The following RGS12 variants were observed in gnomAD, a reference collection of about 807,000 sequenced individuals.
RGS12 encodes regulator of G-protein signaling 12.
RGS12 carries 66 observed loss-of-function variants against 120.1 expected under a neutral mutation model. That is an observed-to-expected ratio of 0.55 (90% CI 0.45 to 0.67). RGS12 has a LOEUF of 0.67. Ranked by LOEUF, RGS12 falls within the 30% of genes least tolerant of loss-of-function variation. The probability of loss-of-function intolerance (pLI) is 0.00; values close to 1 mark genes in which losing one functional copy is unlikely to be tolerated. For missense variants in RGS12, 1,859 were observed against 1,957.7 expected, an observed-to-expected ratio of 0.95 and a Z score of 0.95; for synonymous variants, 827 against 804.7, an observed-to-expected ratio of 1.03 and a Z score of -0.47.
chr4:3,338,830 C>T (rs1198540369), intron 2 of RGS12, among the ~76,000 whole-genome samples: 1 of 152,154 alleles, frequency 6.6e-6, no homozygotes, highest in Non-Finnish European at 1.5e-5. Context: ...TTGTTGTTTT[C>T]CCTGTTTAGT....
At chr4:3,305,800 C>A (rs1723942265) in intron 1 of RGS12, among the ~76,000 whole-genome samples, 1 of 152,204 alleles carries the variant, frequency 6.6e-6, no homozygotes. Flanking sequence ...TGTCCCTCTG[C>A]CCTTGGAGGC....
intron 4 of RGS12, among the ~76,000 whole-genome samples, chr4:3,412,025 A>G (rs1275536519): frequency 6.6e-6 from 1 of 152,270 alleles, no homozygotes; most frequent in Non-Finnish European, 1.5e-5. Flanking sequence ...TAACAGATCA[A>G]CAGCATGGTG....
rs1724801774 is a variant in RGS12 at position 3,316,861 on chromosome 4, A to G, written c.691A>G (p.Ile231Val). 1.2e-6 allele frequency: 2 copies of G among 1,614,062 alleles called. No homozygotes were observed. Among genetic ancestry groups the G allele is most frequent in the Admixed American group, 1.7e-5 (1 of 60,014 alleles). ...TGCAAGTATTTTAAACGTGGCGATGATCGTGGGCTACTTAGGCTCCATTGA... is the reference window on the plus strand; with the variant it reads ...TGCAAGTATTTTAAACGTGGCGATGGTCGTGGGCTACTTAGGCTCCATTGA... ...LDASILNVAMIVGYLGSIELP... is the reference protein window; with the variant it reads ...LDASILNVAMVVGYLGSIELP... Residue 231 changes from isoleucine to valine, a missense_variant, in exon 2 of 18, where the codon ATC becomes GTC. Physicochemically the swap from Ile to Val is conservative, Grantham distance 29 (BLOSUM62 3). Transcript: ENST00000336727.
chr4:3,333,656 G>A (rs556554262), intron 2 of RGS12, among the ~76,000 whole-genome samples: 2 of 152,316 alleles, frequency 1.3e-5, no homozygotes, highest in East Asian at 1.9e-4. Context: ...TCATGTGCGT[G>A]TGGGTCTGTT....
intron 1 of RGS12, among the ~76,000 whole-genome samples, chr4:3,306,465 G>A (rs1407010127): frequency 6.6e-6 from 1 of 152,254 alleles, no homozygotes; most frequent in Non-Finnish European, 1.5e-5. Context: ...AAGCGGCACA[G>A]CCTTTCCACC....
chr4:3,394,237 A>AC (rs1261593469), intron 4 of RGS12, among the ~76,000 whole-genome samples: 2 of 151,718 alleles, frequency 1.3e-5, no homozygotes, highest in Non-Finnish European at 2.9e-5. Flanking sequence ...ATCTTGACTC[A>AC]CTACAACCTC....
chr4:3,316,440 C>T lies in RGS12; in HGVS notation c.270C>T (p.Val90=), dbSNP rs769861679. The T allele has an allele frequency of 1.2e-6, 2 of 1,614,052 alleles. No individual in the cohort carries two copies. The highest frequency in any genetic ancestry group is 4.5e-5 in the East Asian group (2 of 44,896). Residue 90 remains valine (V), a synonymous_variant, in exon 2 of 18, where the codon GTC becomes GTT. Coordinates refer to ENST00000336727, the MANE Select transcript of RGS12 (RefSeq NM_001394154.1). ...VVKLIGKCSG[V]LHMVIAEGVG... ...AATTAATTGGGAAGTGCTCTGGTGT[C>T]CTTCACATGGTGATTGCTGAAGGCG... is the stretch of plus-strand genomic sequence containing the variant.
intron 1 of RGS12, among the ~76,000 whole-genome samples, chr4:3,298,530 T>C (rs1041141891): frequency 6.6e-5 from 10 of 152,158 alleles, no homozygotes; most frequent in African/African-American, 2.4e-4. Context: ...TTACTTTTCA[T>C]TTTATTTTTT....
intron 17 of RGS12, among the ~76,000 whole-genome samples, chr4:3,432,744 C>A (rs1376579180): frequency 6.6e-6 from 1 of 152,230 alleles, no homozygotes; most frequent in African/African-American, 2.4e-5. Context: ...GAACTGGTTC[C>A]CCGCCCCGCT....
At chr4:3,299,328 CCCCAAGCCCTAT>C (rs775778864) in intron 1 of RGS12, among the ~76,000 whole-genome samples, 7 of 152,096 alleles carry the variant, frequency 4.6e-5, no homozygotes, top group Non-Finnish European at 1.0e-4. Context: ...ACCCAGCCCT[CCCCAAGCCCTAT>C]CTTGGACTCT....
At chr4:3,423,425 C>A (rs920552015) in intron 12 of RGS12, 90 bp from the exon 13 acceptor site, 14 of 1,548,794 alleles carry the variant, frequency 9.0e-6, no homozygotes, top group Non-Finnish European at 1.2e-5. Context: ...TTGAGGGCGG[C>A]CTGGGGCTGT....
chr4:3,355,824 AG>A (rs1458604968), intron 3 of RGS12, among the ~76,000 whole-genome samples: 6 of 151,378 alleles, frequency 4.0e-5, no homozygotes, highest in African/African-American at 1.5e-4. Flanking sequence ...AAAGGAAAAA[AG>A]AAGAAAAAGA....
chr4:3,365,699 T>C lies in RGS12; in HGVS notation c.1999-20717T>C, dbSNP rs1165466296. Among the ~76,000 whole-genome samples the C allele has an allele frequency of 2.0e-5, 3 of 152,218 alleles. No individual in the cohort carries two copies. The highest frequency in any genetic ancestry group is 7.2e-5 in the African/African-American group (3 of 41,448). The stretch of plus-strand genomic sequence containing the variant: ...CAGGCCTTTCAGAATAAGCTCCTTT[T>C]ACCCTGTCTCTTAGGTTTGCGACTT... On this transcript the variant is annotated intron_variant, in intron 3 of 17. Transcript: ENST00000336727. This position sits in a 1 kb window ranked among gnomAD's most constrained non-coding sequence, Gnocchi z 4.0.
At chr4:3,338,478 C>T (rs746907499) in intron 2 of RGS12, among the ~76,000 whole-genome samples, 7 of 152,242 alleles carry the variant, frequency 4.6e-5, no homozygotes, top group Non-Finnish European at 7.3e-5. Flanking sequence ...CGATGCTTTT[C>T]TGGGCCTGTG....
intron 8 of RGS12, 123 bp downstream of exon 8, chr4:3,417,215 C>A: frequency 7.5e-7 from 1 of 1,330,430 alleles, no homozygotes; most frequent in Non-Finnish European, 1.0e-6. Flanking sequence ...ACGCTCCATG[C>A]TGGAAAGTTC....
upstream of RGS12, among the ~76,000 whole-genome samples, chr4:3,288,168 G>T (rs184565238): frequency 4.6e-5 from 7 of 152,300 alleles, no homozygotes; most frequent in Admixed American, 6.5e-5. The surrounding 1 kb of genome is among the most constrained non-coding windows in gnomAD (Gnocchi z 5.2). Flanking sequence ...GGGAGTGTGC[G>T]CAGACCCCCA....
chr4:3,320,785 C>A (rs1725125000), intron 2 of RGS12, among the ~76,000 whole-genome samples: 1 of 152,180 alleles, frequency 6.6e-6, no homozygotes, highest in African/African-American at 2.4e-5. Context: ...GAGGCGGCCA[C>A]AAGATGGGTC....
rs745405258 is a variant in RGS12 at position 3,414,864 on chromosome 4, G to A, written c.2283+20G>A. ...AAGGAGGTAAGTCCACGCTTGGGAA[G>A]TGGGGGCTGTGTGAGAGTGGCGTGT... On this transcript the variant is annotated intron_variant, in intron 6 of 17. Coordinates refer to ENST00000336727, the MANE Select transcript of RGS12 (RefSeq NM_001394154.1). 2.5e-6 allele frequency: 4 copies of A among 1,569,994 alleles called. No homozygotes were observed. The Admixed American group carries it at 6.7e-5, about 26-fold the overall frequency.
chr4:3,342,647 G>A, intron 2 of RGS12: 1 of 1,205,362 alleles, frequency 8.3e-7, no homozygotes, highest in South Asian at 1.3e-5. Flanking sequence ...CCTTGTGGGT[G>A]GGCTGCCGTC....
Sources: allele counts gnomAD v4.1 joint callset (sites outside exome capture counted in the v4.1 genomes callset), GRCh38; gene constraint gnomAD v4.1.1; non-coding constraint Gnocchi (gnomAD v3.1); transcripts MANE v1.5; gene names NCBI Gene and HGNC (gene_info 2026-07-23, HGNC 2026-07-21).